The following ACOX3 variants were observed in gnomAD, a reference collection of about 807,000 sequenced individuals.
ACOX3 encodes the protein peroxisomal acyl-coenzyme A oxidase 3.
Under a neutral mutation model 81.5 loss-of-function variants are expected in ACOX3, and 73 were observed. The observed-to-expected ratio is 0.90, with a 90% confidence interval of 0.74 to 1.09. The LOEUF (loss-of-function observed/expected upper bound fraction) is 1.09. ACOX3 is among the 50% of genes least tolerant of loss of function. The pLI, the probability that ACOX3 is intolerant of heterozygous loss-of-function variation, is 0.00. For missense variants in ACOX3, 947 were observed against 928.0 expected (o/e 1.02, Z -0.27); for synonymous variants, 387 against 375.1 (o/e 1.03, Z -0.37).
intron 11 of ACOX3, among the ~76,000 whole-genome samples, chr4:8,391,433 G>T (rs1392198179): frequency 2.0e-5 from 3 of 152,242 alleles, no homozygotes; most frequent in East Asian, 3.8e-4. Flanking sequence ...CTCCTGGAGG[G>T]CAAGAGAGTT....
chr4:8,388,401 G>A (rs1718557020), intron 13 of ACOX3, among the ~76,000 whole-genome samples: 1 of 152,272 alleles, frequency 6.6e-6, no homozygotes, highest in South Asian at 2.1e-4. Flanking sequence ...ACGAGCACGT[G>A]CAGAATTAAC....
rs757654648 is a variant in ACOX3 at position 8,414,923 on chromosome 4, A to C, written c.384T>G (p.Phe128Leu). Residue 128 changes from phenylalanine (F) to leucine (L), a missense_variant, in exon 4 of 18, where the codon TTT becomes TTG. Coordinates refer to ENST00000356406, the MANE Select transcript of ACOX3 (RefSeq NM_003501.3). This position sits in a 1 kb window ranked among gnomAD's most constrained non-coding sequence, Gnocchi z 6.1. Reference protein sequence around the residue: ...AAKYLLHSLVFGSAVYSSGSE... With the variant: ...AAKYLLHSLVLGSAVYSSGSE... The stretch of plus-strand genomic sequence containing the variant: ...AACCAGAACTGTAAACTGCTGATCC[A>C]AAAACCTGAAAGTATAACATCGTCC... 2.5e-6 allele frequency: 4 copies of C among 1,613,932 alleles called. No individual in the cohort carries two copies. The Admixed American group carries it at 6.7e-5, about 27-fold the overall frequency.
In ACOX3 at chr4:8,377,546, G is replaced by A. The variant is rs186296828; in HGVS notation, c.1654-2394C>T. On this transcript the variant is annotated intron_variant, in intron 14 of 17. Transcript: ENST00000356406. ...TGCGTGGTGCTGCTGGGGTCAGGGC[G>A]GCTCTCTCACAGGAAGCGCCTGCGA... 2.9e-3 allele frequency among the ~76,000 whole-genome samples: 437 copies of A among 152,324 alleles called. 2 individuals carry two copies. The highest frequency in any genetic ancestry group is 1.0e-2 in the African/African-American group (414 of 41,570).
intron 1 of ACOX3, among the ~76,000 whole-genome samples, chr4:8,434,209 C>T (rs926972193): frequency 1.1e-4 from 17 of 152,208 alleles, no homozygotes; most frequent in African/African-American, 3.1e-4. Context: ...CGATTTATCA[C>T]GACCCTTTCA....
rs182952727 is a variant in ACOX3, at chr4:8,399,026, T to A, written c.873+530A>T. On this transcript the variant is annotated intron_variant, in intron 8 of 17. Coordinates refer to ENST00000356406, the MANE Select transcript of ACOX3 (RefSeq NM_003501.3). This position sits in a 1 kb window ranked among gnomAD's most constrained non-coding sequence, Gnocchi z 4.9. ...TCCATCCGTGCTTCCTGATGTCAGA[T>A]GCTGCATGCTGCTGGGGACTGTTAT... Among the ~76,000 whole-genome samples the A allele has an allele frequency of 5.3e-5, 8 of 152,200 alleles. No individual in the cohort carries two copies. The highest frequency in any genetic ancestry group is 1.0e-4 in the Non-Finnish European group (7 of 68,040).
rs1724026985 is a variant in ACOX3, at chr4:8,432,750, TCTC to T, written c.-15+7895_-15+7897del. ...TCCGGTTGGAGCCTCCACTGCTGCT[TCTC>T]GAGTTCCACCCAGCTTCCAGCACTT... is the stretch of plus-strand genomic sequence containing the variant. On this transcript the variant is annotated intron_variant, in intron 1 of 17. Coordinates refer to ENST00000356406, the MANE Select transcript of ACOX3 (RefSeq NM_003501.3). This position sits in a 1 kb window ranked among gnomAD's most constrained non-coding sequence, Gnocchi z 6.2. 6.6e-6 allele frequency among the ~76,000 whole-genome samples: 1 copy of T among 152,104 alleles called. No individual in the cohort carries two copies. Among genetic ancestry groups the T allele is most frequent in the Non-Finnish European group, 1.5e-5 (1 of 68,010 alleles).
intron 3 of ACOX3, 45 bp downstream of exon 3, chr4:8,415,721 C>A (rs764996546): frequency 1.9e-6 from 3 of 1,566,280 alleles, no homozygotes; most frequent in Non-Finnish European, 1.8e-6. Flanking sequence ...CAAGGCTCAG[C>A]GCAGCATGAA....
At chr4:8,403,231 T>C (rs1164214540) in intron 7 of ACOX3, among the ~76,000 whole-genome samples, 1 of 152,226 alleles carries the variant, frequency 6.6e-6, no homozygotes. Context: ...TCAAGATAAA[T>C]GATTTCAACA....
At position 8,397,509 on chromosome 4, in the gene ACOX3, C is replaced by T. The variant is rs544224136; in HGVS notation, c.874-390G>A. On this transcript the variant is annotated intron_variant, in intron 8 of 17. Transcript: ENST00000356406. ...GGCCTGTACTGCCAGAGGGCAGGGG[C>T]GGAGTCCATTACAGGCAGCCTTTCC... Among the ~76,000 whole-genome samples, 277 of 152,328 alleles carry T rather than the reference C, an allele frequency of 1.8e-3. 2 individuals carry two copies. Among genetic ancestry groups the T allele is most frequent in the African/African-American group, 6.4e-3 (268 of 41,574 alleles).
At chr4:8,359,502 A>G in the ACOX3 span, among the ~76,000 whole-genome samples, 1 of 152,130 alleles carries the variant, frequency 6.6e-6, no homozygotes, top group African/African-American at 2.4e-5. The surrounding 1 kb of genome is among the most constrained non-coding windows in gnomAD (Gnocchi z 6.0). Flanking sequence ...TCTGGCTAAG[A>G]GCAGGTTTGG....
chr4:8,393,615 G>GCA lies in ACOX3; in HGVS notation c.1179+1003_1179+1004dup, dbSNP rs61109010. 4.0e-3 allele frequency among the ~76,000 whole-genome samples: 558 copies of GCA among 140,548 alleles called. 5 individuals are homozygous for GCA. The highest frequency in any genetic ancestry group is 0.017 in the Middle Eastern group (5 of 286). The allele number at this position is 140,548 out of a possible 152,430, so 92.2% of individuals were successfully genotyped here. ...ACAATTAAGAGGAAGACACACACAC[G>GCA]CACACACACACACACACACACGCAC... On this transcript the variant is annotated intron_variant, in intron 10 of 17. Transcript: ENST00000356406.
Position 8,389,665 on chromosome 4 carries a change from AG to A in ACOX3, c.1369del (p.Leu457CysfsTer27). 11 of 1,614,110 alleles carry A rather than the reference AG, an allele frequency of 6.8e-6. No individual in the cohort carries two copies. Among genetic ancestry groups the A allele is most frequent in the Non-Finnish European group, 9.3e-6 (11 of 1,180,006 alleles). ...CAAATAGTTGCTTGTCTGCTGCAGCAGGATGTTGTTGTCACCTTCGTATGTG... is the reference window on the plus strand; with the variant it reads ...CAAATAGTTGCTTGTCTGCTGCAGCAGATGTTGTTGTCACCTTCGTATGTG... ...NCTYEGDNNI[L>X]LQQTSNYLLG... On this transcript the variant is annotated frameshift_variant, in exon 12 of 18. Transcript: ENST00000356406. LOFTEE classifies it high-confidence loss of function. This position sits in a 1 kb window ranked among gnomAD's most constrained non-coding sequence, Gnocchi z 5.3.
chr4:8,395,040 C>G (rs1719534852), intron 9 of ACOX3: 1 of 280,716 alleles, frequency 3.6e-6, no homozygotes, highest in Admixed American at 4.8e-5. Flanking sequence ...GCCAGTCTAT[C>G]TGTGAATTAA....
At chr4:8,429,510 A>G (rs910342090) in intron 1 of ACOX3, among the ~76,000 whole-genome samples, 14 of 152,160 alleles carry the variant, frequency 9.2e-5, no homozygotes, top group African/African-American at 3.1e-4. Context: ...AATTGCGGAT[A>G]TTGCTCGCCA....
At chr4:8,411,890 G>A (rs952232312) in intron 5 of ACOX3, among the ~76,000 whole-genome samples, 2 of 152,258 alleles carry the variant, frequency 1.3e-5, no homozygotes, top group African/African-American at 4.8e-5. Flanking sequence ...AATGCCTGCT[G>A]TCCAAATAAA....
chr4:8,399,824 G>C lies in ACOX3; in HGVS notation c.777-172C>G, dbSNP rs1029788746. Among the ~76,000 whole-genome samples, 2 of 152,228 alleles carry C rather than the reference G, an allele frequency of 1.3e-5. No individual in the cohort carries two copies. The highest frequency in any genetic ancestry group is 2.9e-5 in the Non-Finnish European group (2 of 68,046). ...CTATTCAAAAAAGTAGTCTAGTCAG[G>C]AACAGTGGCTCACGCCCAGAATCCC... On this transcript the variant is annotated intron_variant, in intron 7 of 17. Transcript: ENST00000356406. This position sits in a 1 kb window ranked among gnomAD's most constrained non-coding sequence, Gnocchi z 4.9.
In ACOX3 at chr4:8,410,359, C is replaced by A; in HGVS notation, c.544-4G>T. The A allele has an allele frequency of 6.2e-7, 1 of 1,613,462 alleles. No homozygotes were observed. On this transcript the variant is annotated splice_polypyrimidine_tract_variant and splice_region_variant and intron_variant, in intron 5 of 17. Coordinates refer to ENST00000356406, the MANE Select transcript of ACOX3 (RefSeq NM_003501.3). ...CAGGGGAATGTATGATGAATTCCTG[C>A]ACAAGGGAAAATTTAGGTTAGTTAT...
chr4:8,368,348 C>T lies in ACOX3; in HGVS notation c.1984-1268G>A, dbSNP rs1715730924. 3.3e-5 allele frequency among the ~76,000 whole-genome samples: 5 copies of T among 152,290 alleles called. No individual in the cohort carries two copies. The Middle Eastern group carries it at 0.01, about 311-fold the overall frequency. On this transcript the variant is annotated intron_variant, in intron 17 of 17. Coordinates refer to ENST00000356406, the MANE Select transcript of ACOX3 (RefSeq NM_003501.3). The surrounding 1 kb of genome is among the most constrained non-coding windows in gnomAD (Gnocchi z 5.9). Reference sequence around the variant, plus strand: ...GGAGGAAGGTTGTACAAATGAAGGGCGAAGGGCAGCTGAGCAGACACTTCA... The same window carrying T: ...GGAGGAAGGTTGTACAAATGAAGGGTGAAGGGCAGCTGAGCAGACACTTCA...
In ACOX3 at chr4:8,369,340, C is replaced by A. The variant is rs772994535; in HGVS notation, c.1983+1568G>T. ...CAAGTCCCTCTCCTATGCGCTCCCCCAGGACCCAAGGCTCCCGCCAAGTCT... is the reference window on the plus strand; with the variant it reads ...CAAGTCCCTCTCCTATGCGCTCCCCAAGGACCCAAGGCTCCCGCCAAGTCT... On this transcript the variant is annotated intron_variant, in intron 17 of 17. Transcript: ENST00000356406. 1.4e-4 allele frequency among the ~76,000 whole-genome samples: 21 copies of A among 152,268 alleles called. No homozygotes were observed. In the South Asian group the frequency reaches 2.3e-3, roughly 17 times the overall value.
Sources: allele counts gnomAD v4.1 joint callset (sites outside exome capture counted in the v4.1 genomes callset), GRCh38; gene constraint gnomAD v4.1.1; non-coding constraint Gnocchi (gnomAD v3.1); transcripts MANE v1.5; gene names NCBI Gene and HGNC (gene_info 2026-07-23, HGNC 2026-07-21).